The following NCDN variants were observed in gnomAD, a reference collection of about 807,000 sequenced individuals.
NCDN encodes the protein neurochondrin, also known as norbin.
Under a neutral mutation model 60.7 loss-of-function variants are expected in NCDN, and 9 were observed. That is an observed-to-expected ratio of 0.15 (90% CI 0.09 to 0.26). NCDN has a LOEUF of 0.26. Among genes scored for constraint, NCDN ranks in the 10% least tolerant of loss-of-function variants. The pLI, the probability that NCDN is intolerant of heterozygous loss-of-function variation, is 1.00. For missense variants in NCDN, 578 were observed against 975.2 expected, an observed-to-expected ratio of 0.59 and a Z score of 5.42; for synonymous variants, 409 against 442.5, an observed-to-expected ratio of 0.92 and a Z score of 0.95.
At position 35,561,147 on chromosome 1, in the gene NCDN, T is replaced by G. The variant is rs1277871540; in HGVS notation, c.996T>G (p.Asp332Glu). The G allele has an allele frequency of 6.2e-7, 1 of 1,610,502 alleles. No individual in the cohort carries two copies. Among genetic ancestry groups the G allele is most frequent in the Non-Finnish European group, 8.5e-7 (1 of 1,178,450 alleles). Residue 332 changes from aspartate to glutamate, a missense_variant, in exon 3 of 7, where the codon GAT (aspartate) becomes GAG (glutamate). This residue lies in a region of NCDN where 363 missense variants were observed against 583.6 expected (regional missense o/e 0.62). Transcript: ENST00000373243. This position sits in a 1 kb window ranked among gnomAD's most constrained non-coding sequence, Gnocchi z 4.9. ...AGACGGGCACGGAGGTGAAAGAGGA[T>G]GTGGTGACCGCCTGCTATGCCCTCA... ...LEETGTEVKE[D>E]VVTACYALME...
At chr1:35,564,721 G>C (rs542847962) in intron 6 of NCDN, among the ~76,000 whole-genome samples, 2 of 152,218 alleles carry the variant, frequency 1.3e-5, no homozygotes, top group Non-Finnish European at 2.9e-5. Context: ...CACCAGGTTA[G>C]GTTGACAGCT....
chr1:35,562,327 G>A lies in NCDN; in HGVS notation c.1144-65G>A. 1 of 1,575,002 alleles carries A rather than the reference G, an allele frequency of 6.3e-7. No individual in the cohort carries two copies. On this transcript the variant is annotated intron_variant, in intron 3 of 6. Transcript: ENST00000373243. The surrounding 1 kb of genome is among the most constrained non-coding windows in gnomAD (Gnocchi z 6.8). Reference sequence around the variant, plus strand: ...CTAGTTGTATTATTTCTAGCTGGCTGGCCTCTGGCAAGGCAGGGAGGGTCC... The same window carrying A: ...CTAGTTGTATTATTTCTAGCTGGCTAGCCTCTGGCAAGGCAGGGAGGGTCC...
chr1:35,564,818 C>CCCTCT (rs1648820344), intron 6 of NCDN, among the ~76,000 whole-genome samples: 1 of 152,148 alleles, frequency 6.6e-6, no homozygotes, highest in Non-Finnish European at 1.5e-5. Flanking sequence ...CTCTCTGGCG[C>CCCTCT]CCTCTTCTGG....
In NCDN at chr1:35,566,665, A is replaced by ACACACACACACACT; in HGVS notation, c.*1015_*1016insTCACACACACACAC. ...CACACACACACACACACACACACAC[A>ACACACACACACACT]CACACACACACACACTCTTGATCCC... is the stretch of plus-strand genomic sequence containing the variant. On this transcript the variant is annotated 3_prime_UTR_variant, in exon 7 of 7. Coordinates refer to ENST00000373243, the MANE Select transcript of NCDN (RefSeq NM_014284.3). This position sits in a 1 kb window ranked among gnomAD's most constrained non-coding sequence, Gnocchi z 5.3. The ACACACACACACACT allele has an allele frequency of 2.4e-6, 1 of 414,596 alleles. No individual in the cohort carries two copies. Among genetic ancestry groups the ACACACACACACACT allele is most frequent in the Non-Finnish European group, 4.9e-6 (1 of 206,032 alleles). 25.7% of individuals were successfully genotyped at this position (414,596 alleles called of 1,614,324 possible).
rs762041149 is a variant in NCDN, at chr1:35,558,207, T to C, written c.17T>C (p.Leu6Pro). MSCCDLAAAGQLGKAS... is the reference protein window; with the variant it reads MSCCDPAAAGQLGKAS... Reference sequence around the variant, plus strand: ...ACTTCATCAATGTCGTGTTGTGACCTGGCTGCGGCGGGACAGGTGGTGACC... The same window carrying C: ...ACTTCATCAATGTCGTGTTGTGACCCGGCTGCGGCGGGACAGGTGGTGACC... Residue 6 changes from leucine to proline, a missense_variant, in exon 1 of 7, where the codon CTG becomes CCG. Physicochemically the swap from Leu to Pro is moderately conservative, Grantham distance 98 (BLOSUM62 -3). Coordinates refer to ENST00000373243, the MANE Select transcript of NCDN (RefSeq NM_014284.3). This position sits in a 1 kb window ranked among gnomAD's most constrained non-coding sequence, Gnocchi z 6.3. 3 of 1,614,130 alleles carry C rather than the reference T, an allele frequency of 1.9e-6. No individual in the cohort carries two copies. Among genetic ancestry groups the C allele is most frequent in the South Asian group, 1.1e-5 (1 of 91,076 alleles).
chr1:35,558,811 C>A lies in NCDN; in HGVS notation c.34-296C>A. The A allele has an allele frequency of 1.2e-6, 1 of 822,010 alleles. No individual in the cohort carries two copies. Among genetic ancestry groups the A allele is most frequent in the Admixed American group, 3.5e-5 (1 of 28,332 alleles). 50.9% of individuals were successfully genotyped at this position (822,010 alleles called of 1,614,324 possible). A position where few individuals can be genotyped will look rare whatever the true frequency, so the allele number is the denominator to read the frequency against. On this transcript the variant is annotated intron_variant, in intron 1 of 6. Transcript: ENST00000373243. This position sits in a 1 kb window ranked among gnomAD's most constrained non-coding sequence, Gnocchi z 6.3. ...GCAGTGGGGCCAGCTCCCGCCCACCCCCAGGAGACTGGTGAGGAGAGCTGT... is the reference window on the plus strand; with the variant it reads ...GCAGTGGGGCCAGCTCCCGCCCACCACCAGGAGACTGGTGAGGAGAGCTGT...
chr1:35,562,231 G>C lies in NCDN; in HGVS notation c.1144-161G>C, dbSNP rs1571085240. Among the ~76,000 whole-genome samples, 1 of 152,168 alleles carries C rather than the reference G, an allele frequency of 6.6e-6. No homozygotes were observed. Among genetic ancestry groups the C allele is most frequent in the Non-Finnish European group, 1.5e-5 (1 of 68,036 alleles). On this transcript the variant is annotated intron_variant, in intron 3 of 6. Coordinates refer to ENST00000373243, the MANE Select transcript of NCDN (RefSeq NM_014284.3). This position sits in a 1 kb window ranked among gnomAD's most constrained non-coding sequence, Gnocchi z 6.8. ...TTGTGTGCGTCCCTACCACATGCTA[G>C]GTGCTGGGTTCATGGGACAGAATAA... is the stretch of plus-strand genomic sequence containing the variant.
Position 35,562,380 on chromosome 1 carries a change from C to G in NCDN, c.1144-12C>G, listed in dbSNP as rs762889096. The G allele has an allele frequency of 1.9e-6, 3 of 1,612,910 alleles. No homozygotes were observed. In the South Asian group the frequency reaches 3.3e-5, roughly 18 times the overall value. On this transcript the variant is annotated splice_polypyrimidine_tract_variant and intron_variant, in intron 3 of 6. Transcript: ENST00000373243. This position sits in a 1 kb window ranked among gnomAD's most constrained non-coding sequence, Gnocchi z 6.8. Reference sequence around the variant, plus strand: ...GGTCCTGCTCCATCTCAAGGGGGTCCTGTGGCAACAGGTGGGGTCAGAGAA... The same window carrying G: ...GGTCCTGCTCCATCTCAAGGGGGTCGTGTGGCAACAGGTGGGGTCAGAGAA...
Position 35,563,219 on chromosome 1 carries a change from G to A in NCDN, c.1403G>A (p.Trp468Ter). The A allele has an allele frequency of 6.2e-7, 1 of 1,613,344 alleles. No homozygotes were observed. The change falls in exon 5 of 7, where the codon TGG becomes TAG. Residue 468 changes from tryptophan to a stop codon, truncating the protein, a stop_gained. Coordinates refer to ENST00000373243, the MANE Select transcript of NCDN (RefSeq NM_014284.3). LOFTEE classifies it high-confidence loss of function. This position sits in a 1 kb window ranked among gnomAD's most constrained non-coding sequence, Gnocchi z 6.6. ...ATCCCCAGGCTCCTCCTGCCTGGCT[G>A]GTGCCACCTGACCGTTGAAGATGGG... ...GDALRLLLPG[W>*]CHLTVEDGPR...
chr1:35,557,813 C>T lies in NCDN; in HGVS notation c.-378C>T. The T allele has an allele frequency of 1.9e-6, 1 of 524,172 alleles. No homozygotes were observed. The highest frequency in any genetic ancestry group is 3.7e-6 in the Non-Finnish European group (1 of 271,822). 32.5% of individuals were successfully genotyped at this position (524,172 alleles called of 1,614,324 possible). ...CTGGAGCCAGGAGTGGGCAACGCGG[C>T]GTGAGCAGCGGCCCGAGGCTCCCGG... is the stretch of plus-strand genomic sequence containing the variant. On this transcript the variant is annotated 5_prime_UTR_variant, in exon 1 of 7. Transcript: ENST00000373243.
At position 35,562,204 on chromosome 1, in the gene NCDN, C is replaced by T. The variant is rs926592143; in HGVS notation, c.1144-188C>T. ...GGGCCTGGCTCACTCTGTGCCAGTC[C>T]CTTGTGTGCGTCCCTACCACATGCT... On this transcript the variant is annotated intron_variant, in intron 3 of 6. Coordinates refer to ENST00000373243, the MANE Select transcript of NCDN (RefSeq NM_014284.3). This position sits in a 1 kb window ranked among gnomAD's most constrained non-coding sequence, Gnocchi z 6.8. 1.3e-5 allele frequency among the ~76,000 whole-genome samples: 2 copies of T among 152,162 alleles called. No individual in the cohort carries two copies. Among genetic ancestry groups the T allele is most frequent in the Non-Finnish European group, 2.9e-5 (2 of 68,040 alleles).
At position 35,563,825 on chromosome 1, in the gene NCDN, G is replaced by C. The variant is rs200493007; in HGVS notation, c.1669G>C (p.Val557Leu). 7 of 1,613,826 alleles carry C rather than the reference G, an allele frequency of 4.3e-6. No homozygotes were observed. The highest frequency in any genetic ancestry group is 5.9e-6 in the Non-Finnish European group (7 of 1,180,034). Residue 557 changes from valine (V) to leucine (L), a missense_variant, in exon 6 of 7, where the codon GTG (valine) becomes CTG (leucine). This residue lies in a region of NCDN where 191 missense variants were observed against 372.1 expected (regional missense o/e 0.51). Coordinates refer to ENST00000373243, the MANE Select transcript of NCDN (RefSeq NM_014284.3). The surrounding 1 kb of genome is among the most constrained non-coding windows in gnomAD (Gnocchi z 6.6). Reference sequence around the variant, plus strand: ...CCTCATGACGTCGCTACCAGCACTAGTGCAGCAACAGGGAAGGCTGCTTCT... The same window carrying C: ...CCTCATGACGTCGCTACCAGCACTACTGCAGCAACAGGGAAGGCTGCTTCT... Reference protein sequence around the residue: ...NTLMTSLPALVQQQGRLLLAA... With the variant: ...NTLMTSLPALLQQQGRLLLAA...
rs1648829624 is a variant in NCDN at position 35,565,134 on chromosome 1, C to A, written c.1754-93C>A. The stretch of plus-strand genomic sequence containing the variant: ...AGTCTGATTCCAGGCTGTGCCCTGG[C>A]TCCTGCATGTGTCTACACAGAGGAC... On this transcript the variant is annotated intron_variant, in intron 6 of 6. Coordinates refer to ENST00000373243, the MANE Select transcript of NCDN (RefSeq NM_014284.3). This position sits in a 1 kb window ranked among gnomAD's most constrained non-coding sequence, Gnocchi z 8.9. The A allele has an allele frequency of 1.6e-6, 2 of 1,282,506 alleles. No individual in the cohort carries two copies. Among genetic ancestry groups the A allele is most frequent in the Non-Finnish European group, 2.2e-6 (2 of 926,812 alleles). 79.4% of individuals were successfully genotyped at this position (1,282,506 alleles called of 1,614,324 possible). A position where few individuals can be genotyped will look rare whatever the true frequency, so the allele number is the denominator to read the frequency against.
Position 35,558,513 on chromosome 1 carries a change from C to G in NCDN, c.33+290C>G. On this transcript the variant is annotated intron_variant, in intron 1 of 6. Coordinates refer to ENST00000373243, the MANE Select transcript of NCDN (RefSeq NM_014284.3). The surrounding 1 kb of genome is among the most constrained non-coding windows in gnomAD (Gnocchi z 6.3). ...AGGAGCCTGCGGGGGCGACTGAGAG[C>G]CCTGGCTGGAGGGGTGGGGTCCCCA... 2.2e-6 allele frequency: 3 copies of G among 1,367,912 alleles called. No homozygotes were observed. Among genetic ancestry groups the G allele is most frequent in the Non-Finnish European group, 2.8e-6 (3 of 1,061,000 alleles). 84.7% of individuals were successfully genotyped at this position (1,367,912 alleles called of 1,614,324 possible). A position where few individuals can be genotyped will look rare whatever the true frequency, so the allele number is the denominator to read the frequency against.
At position 35,558,120 on chromosome 1, in the gene NCDN, G is replaced by C; in HGVS notation, c.-71G>C. 6.3e-7 allele frequency: 1 copy of C among 1,598,230 alleles called. No individual in the cohort carries two copies. The highest frequency in any genetic ancestry group is 8.6e-7 in the Non-Finnish European group (1 of 1,168,008). ...CTGTCTCCCATGTCGTGATTTTGACGTGATCTCTCCGTGACATCACCGCGC... is the reference window on the plus strand; with the variant it reads ...CTGTCTCCCATGTCGTGATTTTGACCTGATCTCTCCGTGACATCACCGCGC... On this transcript the variant is annotated 5_prime_UTR_variant, in exon 1 of 7. Transcript: ENST00000373243. The surrounding 1 kb of genome is among the most constrained non-coding windows in gnomAD (Gnocchi z 6.3).
In NCDN at chr1:35,563,963, C is replaced by T. The variant is rs1648789048; in HGVS notation, c.1753+54C>T. 2 of 1,550,140 alleles carry T rather than the reference C, an allele frequency of 1.3e-6. No individual in the cohort carries two copies. The highest frequency in any genetic ancestry group is 1.4e-5 in the African/African-American group (1 of 72,124). ...GTGAGGACAGAAGACCTGGGTGGAC[C>T]TCCTGTGTTTGGGGCAAAAGTCACC... On this transcript the variant is annotated intron_variant, in intron 6 of 6. Transcript: ENST00000373243. The surrounding 1 kb of genome is among the most constrained non-coding windows in gnomAD (Gnocchi z 6.6).
Position 35,565,576 on chromosome 1 carries a change from C to T in NCDN, c.2103C>T (p.Cys701=), listed in dbSNP as rs749693537. The T allele has an allele frequency of 1.3e-6, 2 of 1,563,928 alleles. No homozygotes were observed. Among genetic ancestry groups the T allele is most frequent in the Non-Finnish European group, 8.6e-7 (1 of 1,158,526 alleles). ...AGCTGGCGCGGGCCAACCGGCTGTG[C>T]CGGGAGGCCATGAGGCTGCAGGCGG... ...LVELARANRL[C]REAMRLQAGE... Residue 701 remains cysteine, a synonymous_variant, in exon 7 of 7, where the codon TGC becomes TGT. Transcript: ENST00000373243. The surrounding 1 kb of genome is among the most constrained non-coding windows in gnomAD (Gnocchi z 8.9).
Position 35,565,578 on chromosome 1 carries a change from G to A in NCDN, c.2105G>A (p.Arg702Gln), listed in dbSNP as rs1390195110. 2.6e-6 allele frequency: 4 copies of A among 1,565,140 alleles called. No individual in the cohort carries two copies. Among genetic ancestry groups the A allele is most frequent in the Admixed American group, 1.9e-5 (1 of 52,968 alleles). The change falls in exon 7 of 7, where the codon CGG (arginine) becomes CAG (glutamine). Residue 702 changes from arginine (R) to glutamine (Q), a missense_variant. Transcript: ENST00000373243. This position sits in a 1 kb window ranked among gnomAD's most constrained non-coding sequence, Gnocchi z 8.9. ...CTGGCGCGGGCCAACCGGCTGTGCC[G>A]GGAGGCCATGAGGCTGCAGGCGGGC... ...VELARANRLC[R>Q]EAMRLQAGEE...
At position 35,560,513 on chromosome 1, in the gene NCDN, C is replaced by G; in HGVS notation, c.362C>G (p.Ala121Gly). The change falls in exon 3 of 7, where the codon GCC (alanine) becomes GGC (glycine). Residue 121 changes from alanine to glycine, a missense_variant. Transcript: ENST00000373243. The surrounding 1 kb of genome is among the most constrained non-coding windows in gnomAD (Gnocchi z 7.6). ...TGCTTCTGCAGTGACCCTGAACTGG[C>G]CGCCCATCCCCAAGTCCTGAACAAG... ...LACFCSDPEL[A>G]AHPQVLNKIP... 6.2e-7 allele frequency: 1 copy of G among 1,613,880 alleles called. No homozygotes were observed. The highest frequency in any genetic ancestry group is 8.5e-7 in the Non-Finnish European group (1 of 1,180,040).
Sources: gnomAD v4.1 joint callset for allele counts (sites outside exome capture counted in the v4.1 genomes callset) on GRCh38, gnomAD v4.1.1 for gene constraint, gnomAD v4.1.1 regional missense constraint, Gnocchi (gnomAD v3.1) non-coding constraint, MANE v1.5 for transcripts, NCBI Gene and HGNC (gene_info 2026-07-23, HGNC 2026-07-21) for gene names.